CABLES1: variants seen among roughly 807,000 people sequenced by gnomAD.
CABLES1 encodes the protein CDK5 and ABL1 enzyme substrate 1.
A neutral mutation model predicts 57.8 loss-of-function variants in CABLES1; 36 were observed. The observed-to-expected ratio is 0.62, with a 90% confidence interval of 0.48 to 0.82. The LOEUF is 0.82. CABLES1 is among the 40% of genes least tolerant of loss of function. CABLES1 has a pLI of 0.00. For missense variants in CABLES1, 767 were observed against 836.6 expected, an observed-to-expected ratio of 0.92 and a Z score of 1.03; for synonymous variants, 374 against 363.0, an observed-to-expected ratio of 1.03 and a Z score of -0.35.
At position 23,236,013 on chromosome 18, in the gene CABLES1, T is replaced by C. The variant is rs1568080139; in HGVS notation, c.1304T>C (p.Ile435Thr). The C allele has an allele frequency of 1.2e-6, 2 of 1,614,180 alleles. No homozygotes were observed. Among genetic ancestry groups the C allele is most frequent in the Non-Finnish European group, 8.5e-7 (1 of 1,180,032 alleles). ...FRNLSHRSLS[I>T]GRASGTQGSL... ...AACCTGAGCCACCGCAGCCTCTCCA[T>C]AGGCCGGGCAAGCGGCACCCAGGGG... Residue 435 changes from isoleucine to threonine, a missense_variant, in exon 6 of 10, where the codon ATA becomes ACA. Ile to Thr is a moderately conservative substitution (Grantham distance 89). This residue lies in a region of CABLES1 where 529 missense variants were observed against 622.8 expected (regional missense o/e 0.85). Transcript: ENST00000256925.
chr18:23,193,254 C>T (rs893044269), intron 2 of CABLES1, among the ~76,000 whole-genome samples: 6 of 150,990 alleles, frequency 4.0e-5, no homozygotes, highest in East Asian at 3.9e-4. Context: ...CACAGTGGCA[C>T]GATCTTGGCT....
chr18:23,182,236 C>A (rs1361147544), intron 1 of CABLES1, among the ~76,000 whole-genome samples: 1 of 152,150 alleles, frequency 6.6e-6, no homozygotes, highest in East Asian at 1.9e-4. Context: ...TACTTGAAAG[C>A]CTTTTGGTCT....
intron 4 of CABLES1, among the ~76,000 whole-genome samples, chr18:23,226,383 C>T (rs2047527926): frequency 7.2e-6 from 1 of 139,198 alleles, no homozygotes; most frequent in Non-Finnish European, 1.5e-5. Context: ...GCTTGGGCAA[C>T]AGAGTGAGAC....
intron 1 of CABLES1, among the ~76,000 whole-genome samples, chr18:23,187,757 G>C (rs2047213493): frequency 6.6e-6 from 1 of 152,040 alleles, no homozygotes; most frequent in Non-Finnish European, 1.5e-5. Flanking sequence ...TGAAGCTGTT[G>C]AATAGTTTGC....
intron 1 of CABLES1, among the ~76,000 whole-genome samples, chr18:23,167,292 C>T (rs984074221): frequency 3.9e-5 from 6 of 152,238 alleles, no homozygotes; most frequent in South Asian, 4.1e-4. Context: ...TGGAGGAACT[C>T]GGCCCCTCAC....
At chr18:23,141,036 T>G (rs2046854902) in intron 1 of CABLES1, among the ~76,000 whole-genome samples, 1 of 152,236 alleles carries the variant, frequency 6.6e-6, no homozygotes, top group Admixed American at 6.5e-5. Flanking sequence ...TGTAAATGCA[T>G]TTAGAGTCAC....
intron 3 of CABLES1, among the ~76,000 whole-genome samples, chr18:23,200,518 T>C (rs1598826104): frequency 6.6e-6 from 1 of 152,102 alleles, no homozygotes; most frequent in East Asian, 1.9e-4. Flanking sequence ...CGCCTTGGCC[T>C]CCCAAAGTGC....
At chr18:23,166,237 C>T (rs1338940027) in intron 1 of CABLES1, among the ~76,000 whole-genome samples, 3 of 149,948 alleles carry the variant, frequency 2.0e-5, no homozygotes, top group Non-Finnish European at 4.4e-5. Context: ...GTTTCACTCT[C>T]GTTGCCCAGG....
chr18:23,148,174 A>G (rs958028009), intron 1 of CABLES1, among the ~76,000 whole-genome samples: 2 of 151,920 alleles, frequency 1.3e-5, no homozygotes, highest in Non-Finnish European at 2.9e-5. Flanking sequence ...TATGTTTAGT[A>G]GAGACAGGTT....
chr18:23,179,860 T>C (rs941466326), intron 1 of CABLES1, among the ~76,000 whole-genome samples: 1 of 152,270 alleles, frequency 6.6e-6, no homozygotes, highest in African/African-American at 2.4e-5. Context: ...GACTTTTTTT[T>C]CTTCATCTGT....
chr18:23,257,553 T>C lies in CABLES1; in HGVS notation c.*186T>C, dbSNP rs2048197942. 1 of 601,352 alleles carries C rather than the reference T, an allele frequency of 1.7e-6. No individual in the cohort carries two copies. Among genetic ancestry groups the C allele is most frequent in the African/African-American group, 1.9e-5 (1 of 52,422 alleles). 37.3% of individuals were successfully genotyped at this position (601,352 alleles called of 1,614,324 possible). ...TTGGGTGTGTAGCCAAGAGGAGCCA[T>C]GAGCTATGGACTCCTCAAGCACGGG... On this transcript the variant is annotated 3_prime_UTR_variant, in exon 10 of 10. Transcript: ENST00000256925.
intron 2 of CABLES1, among the ~76,000 whole-genome samples, chr18:23,191,731 A>G (rs963272100): frequency 5.3e-5 from 8 of 152,144 alleles, no homozygotes; most frequent in African/African-American, 1.9e-4. Flanking sequence ...ATCACTTAAA[A>G]TGTATGTTTT....
chr18:23,255,884 T>TAACA lies in CABLES1; in HGVS notation c.1762-1342_1762-1339dup, dbSNP rs2048153191. Among the ~76,000 whole-genome samples, 3 of 152,170 alleles carry TAACA rather than the reference T, an allele frequency of 2.0e-5. No homozygotes were observed. In the South Asian group the frequency reaches 6.2e-4, roughly 32 times the overall value. On this transcript the variant is annotated intron_variant, in intron 9 of 9. Coordinates refer to ENST00000256925, the MANE Select transcript of CABLES1 (RefSeq NM_001100619.3). ...CCAAGAATTAATGAATCTTTTGATG[T>TAACA]AACAGATATTTATAAAATTATAAAT... is the stretch of plus-strand genomic sequence containing the variant.
chr18:23,192,891 A>G (rs1277112783), intron 2 of CABLES1, among the ~76,000 whole-genome samples: 5 of 152,110 alleles, frequency 3.3e-5, no homozygotes, highest in Non-Finnish European at 5.9e-5. Flanking sequence ...ACCTTAGCCA[A>G]TTAAATCTGG....
At chr18:23,245,677 C>T (rs554663812) in intron 7 of CABLES1, among the ~76,000 whole-genome samples, 2 of 152,322 alleles carry the variant, frequency 1.3e-5, no homozygotes, top group African/African-American at 4.8e-5. Context: ...CCAGGCAGGG[C>T]CTCCTTGTGA....
chr18:23,178,137 A>G (rs1262966536), intron 1 of CABLES1, among the ~76,000 whole-genome samples: 15 of 143,522 alleles, frequency 1.0e-4, no homozygotes, highest in Admixed American at 9.9e-4. Flanking sequence ...CACCCCCTCC[A>G]TGAGTATCCA....
chr18:23,247,944 G>A (rs1260947323), intron 7 of CABLES1, among the ~76,000 whole-genome samples: 1 of 152,158 alleles, frequency 6.6e-6, no homozygotes, highest in Non-Finnish European at 1.5e-5. Flanking sequence ...GGCCCTCCCT[G>A]CCCACTCCCT....
rs559479677 is a variant in CABLES1, at chr18:23,245,277, G to A, written c.1447-7683G>A. On this transcript the variant is annotated intron_variant, in intron 7 of 9. Transcript: ENST00000256925. ...AACCCCAACGCTTTGGGAGGCTGAG[G>A]TGGGCGGATCACTTGAGGTCAGGAG... Among the ~76,000 whole-genome samples the A allele has an allele frequency of 1.4e-4, 22 of 152,306 alleles. No homozygotes were observed. The South Asian group carries it at 3.9e-3, about 27-fold the overall frequency.
chr18:23,136,173 C>G lies in CABLES1; in HGVS notation c.411C>G (p.Gly137=). ...CTGCGGGGTTAGCCGCTGGGTCCGG[C>G]CCCTGCCTCCCACAGCCCTCGTCGC... is the stretch of plus-strand genomic sequence containing the variant. ...TPAAGLAAGS[G]PCLPQPSSLP... The change falls in exon 1 of 10, where the codon GGC becomes GGG. Residue 137 remains glycine, a synonymous_variant. Transcript: ENST00000256925. The G allele has an allele frequency of 1.6e-6, 2 of 1,225,094 alleles. No homozygotes were observed. Among genetic ancestry groups the G allele is most frequent in the South Asian group, 7.6e-5 (2 of 26,200 alleles). The allele number at this position is 1,225,094 out of a possible 1,614,324, so 75.9% of individuals were successfully genotyped here. A position where few individuals can be genotyped will look rare whatever the true frequency, so the allele number is the denominator to read the frequency against.
Sources: allele counts gnomAD v4.1 joint callset (sites outside exome capture counted in the v4.1 genomes callset), GRCh38; gene constraint gnomAD v4.1.1; regional missense constraint gnomAD v4.1.1; transcripts MANE v1.5; gene names NCBI Gene and HGNC (gene_info 2026-07-23, HGNC 2026-07-21).